RRN3: variants seen among roughly 807,000 people sequenced by gnomAD.
RRN3 encodes RNA polymerase I transcription factor RRN3.
RRN3 carries 38 observed loss-of-function variants against 82.3 expected under a neutral mutation model. That is an observed-to-expected ratio of 0.46 (90% CI 0.36 to 0.61). RRN3 has a LOEUF of 0.61. Among genes scored for constraint, RRN3 ranks in the 20% least tolerant of loss-of-function variants. The probability of loss-of-function intolerance (pLI) is 0.00; values close to 1 mark genes in which losing one functional copy is unlikely to be tolerated. For missense variants in RRN3, 726 were observed against 793.1 expected, an observed-to-expected ratio of 0.92 and a Z score of 1.02; for synonymous variants, 284 against 284.3, an observed-to-expected ratio of 1.00 and a Z score of 0.01.
At chr16:15,068,961 T>C (rs1383183948) in intron 14 of RRN3, among the ~76,000 whole-genome samples, 1 of 152,154 alleles carries the variant, frequency 6.6e-6, no homozygotes, top group African/African-American at 2.4e-5. Context: ...TGTCACAGCT[T>C]ACAAAAACAA....
At chr16:15,069,939 T>C in intron 14 of RRN3, 131 bp downstream of exon 14, 1 of 1,367,316 alleles carries the variant, frequency 7.3e-7, no homozygotes, top group East Asian at 2.3e-5. Context: ...AAATTATTAT[T>C]AAAAGTTTGA....
At chr16:15,088,904 G>C (rs1223462548) in intron 3 of RRN3, among the ~76,000 whole-genome samples, 1 of 151,950 alleles carries the variant, frequency 6.6e-6, no homozygotes, top group East Asian at 1.9e-4. Context: ...TGCTTAGAGA[G>C]AACCAGGGAA....
Position 15,061,646 on chromosome 16 carries a change from T to G in RRN3, c.*98A>C. On this transcript the variant is annotated 3_prime_UTR_variant, in exon 18 of 18. Coordinates refer to ENST00000198767, the MANE Select transcript of RRN3 (RefSeq NM_018427.5). ...AGCCGAGGCAGGCACTCGCTCTAGT[T>G]CAATGCCATCAATGCCCAATGGCAC... The G allele has an allele frequency of 1.7e-6, 2 of 1,198,438 alleles. No individual in the cohort carries two copies. The highest frequency in any genetic ancestry group is 2.4e-6 in the Non-Finnish European group (2 of 832,866). The allele number at this position is 1,198,438 out of a possible 1,614,324, so 74.2% of individuals were successfully genotyped here. A position where few individuals can be genotyped will look rare whatever the true frequency, so the allele number is the denominator to read the frequency against.
At chr16:15,067,575 T>C (rs1434091141) in intron 15 of RRN3, among the ~76,000 whole-genome samples, 1 of 149,292 alleles carries the variant, frequency 6.7e-6, no homozygotes, top group African/African-American at 2.5e-5. Context: ...TCATGTCCAG[T>C]TTATTTCTAT....
At chr16:15,094,103 C>T in intron 1 of RRN3, 42 bp downstream of exon 1, 1 of 1,536,634 alleles carries the variant, frequency 6.5e-7, no homozygotes, top group Non-Finnish European at 8.9e-7. Context: ...CCGTCCTGAG[C>T]TTTCGTCCCA....
chr16:15,062,332 A>G (rs1404382216), intron 17 of RRN3, among the ~76,000 whole-genome samples: 1 of 152,222 alleles, frequency 6.6e-6, no homozygotes, highest in African/African-American at 2.4e-5. Context: ...GAACTCTTGT[A>G]CCTAACACAA....
At chr16:15,087,801 A>G (rs1597995272) in intron 3 of RRN3, among the ~76,000 whole-genome samples, 1 of 152,202 alleles carries the variant, frequency 6.6e-6, no homozygotes. Context: ...TAAGGATAAC[A>G]TTTAAACTGT....
At chr16:15,079,028 T>C (rs1012173047) in intron 9 of RRN3, among the ~76,000 whole-genome samples, 99 of 152,238 alleles carry the variant, frequency 6.5e-4, no homozygotes, top group African/African-American at 2.3e-3. Context: ...GCCAGGATGG[T>C]CTCGATCTCC....
intron 9 of RRN3, among the ~76,000 whole-genome samples, chr16:15,078,300 C>T (rs2045551485): frequency 6.6e-6 from 1 of 152,112 alleles, no homozygotes; most frequent in Non-Finnish European, 1.5e-5. Context: ...AAGCTCCTCT[C>T]CCCTCAGTCC....
Position 15,060,368 on chromosome 16 carries a change from A to G in RRN3, c.*1376T>C, listed in dbSNP as rs1247223271. On this transcript the variant is annotated 3_prime_UTR_variant, in exon 18 of 18. Transcript: ENST00000198767. ...AAACTTTAAAGCAATAAAAATTTCT[A>G]TTTTCCAAAAAAGTATTTACAGACT... is the stretch of plus-strand genomic sequence containing the variant. The G allele has an allele frequency of 5.1e-6, 1 of 197,632 alleles. No individual in the cohort carries two copies. The highest frequency in any genetic ancestry group is 1.1e-5 in the Non-Finnish European group (1 of 94,504). The allele number at this position is 197,632 out of a possible 1,614,324, so 12.2% of individuals were successfully genotyped here. A position where few individuals can be genotyped will look rare whatever the true frequency, so the allele number is the denominator to read the frequency against.
intron 15 of RRN3, 64 bp downstream of exon 15, chr16:15,068,105 T>C (rs2045055359): frequency 1.3e-6 from 2 of 1,502,356 alleles, no homozygotes; most frequent in Non-Finnish European, 9.0e-7. Context: ...ACTCTTACAA[T>C]ACTAGATAAA....
intron 16 of RRN3, among the ~76,000 whole-genome samples, chr16:15,064,176 T>G (rs969765954): frequency 5.3e-5 from 8 of 152,102 alleles, no homozygotes; most frequent in African/African-American, 1.4e-4. Flanking sequence ...TTTTGTTTTT[T>G]TTTTGTTTTG....
chr16:15,075,989 C>G (rs1293158548), intron 10 of RRN3, among the ~76,000 whole-genome samples: 1 of 152,158 alleles, frequency 6.6e-6, no homozygotes, highest in Non-Finnish European at 1.5e-5. Context: ...CAGAAAAGGA[C>G]ATCTCCTTGG....
At chr16:15,063,704 CAA>C (rs10664930) in intron 16 of RRN3, among the ~76,000 whole-genome samples, 3 of 89,124 alleles carry the variant, frequency 3.4e-5, no homozygotes, top group African/African-American at 5.1e-5. Flanking sequence ...GACTCTGTCT[CAA>C]AAAAAAAAAA....
At chr16:15,068,389 T>A (rs1227477693) in intron 14 of RRN3, 112 bp from the exon 15 acceptor site, 1 of 1,365,996 alleles carries the variant, frequency 7.3e-7, no homozygotes, top group African/African-American at 1.5e-5. Context: ...TAAAAAATTA[T>A]TTGCAGAAAT....
chr16:15,083,382 G>A, intron 8 of RRN3, 131 bp downstream of exon 8: 1 of 1,405,512 alleles, frequency 7.1e-7, no homozygotes, highest in Non-Finnish European at 9.6e-7. Flanking sequence ...TTGGGCGACA[G>A]AGTGAGACTC....
At chr16:15,068,422 G>C in intron 14 of RRN3, 145 bp from the exon 15 acceptor site, 8 of 1,023,050 alleles carry the variant, frequency 7.8e-6, no homozygotes, top group Non-Finnish European at 1.1e-5. Flanking sequence ...GGTCCATGCA[G>C]ATAGTCACAC....
intron 16 of RRN3, among the ~76,000 whole-genome samples, chr16:15,064,709 G>GGTA (rs1263295952): frequency 6.6e-6 from 1 of 152,210 alleles, no homozygotes; most frequent in African/African-American, 2.4e-5. Flanking sequence ...CCCACTCTGG[G>GGTA]GTGCCTGCGC....
intron 8 of RRN3, 96 bp from the exon 9 acceptor site, chr16:15,080,192 A>G (rs2045640520): frequency 1.4e-6 from 2 of 1,441,856 alleles, no homozygotes; most frequent in Non-Finnish European, 1.8e-6. Context: ...TTAGTTTCAA[A>G]TATTTAAAAA....
Sources: gnomAD v4.1 joint callset for allele counts (sites outside exome capture counted in the v4.1 genomes callset) on GRCh38, gnomAD v4.1.1 for gene constraint, MANE v1.5 for transcripts, NCBI Gene and HGNC (gene_info 2026-07-23, HGNC 2026-07-21) for gene names.